Variants in CNTN5 observed in about 807,000 individuals in gnomAD.
CNTN5 encodes the protein contactin 5, also known as contactin-5.
In CNTN5, 77 loss-of-function variants were observed where a neutral mutation model predicts 129.1. The ratio of observed to expected loss-of-function variants is 0.60; its 90% CI spans 0.50 to 0.72. The LOEUF is 0.72. CNTN5 is among the 30% of genes least tolerant of loss of function. The probability of loss-of-function intolerance (pLI) is 0.00; values close to 1 mark genes in which losing one functional copy is unlikely to be tolerated. For missense variants in CNTN5, 1,478 were observed against 1,328.8 expected (o/e 1.11, Z -1.75); for synonymous variants, 509 against 465.6 (o/e 1.09, Z -1.20).
At chr11:99,711,530 G>A (rs1488798478) in intron 3 of CNTN5, among the ~76,000 whole-genome samples, 4 of 151,728 alleles carry the variant, frequency 2.6e-5, no homozygotes, top group Non-Finnish European at 1.5e-5. Context: ...TATGCATAAT[G>A]TGCAGGTTCG....
chr11:99,508,655 A>T (rs1417805539), intron 2 of CNTN5, among the ~76,000 whole-genome samples: 1 of 152,090 alleles, frequency 6.6e-6, no homozygotes, highest in African/African-American at 2.4e-5. Flanking sequence ...ACTCAGGTTC[A>T]GCAACGCATA....
At chr11:99,231,322 CT>C (rs1860983683) in intron 1 of CNTN5, among the ~76,000 whole-genome samples, 1 of 152,134 alleles carries the variant, frequency 6.6e-6, no homozygotes, top group South Asian at 2.1e-4. Flanking sequence ...TGTTTCTTGA[CT>C]TTTTAATAAT....
chr11:99,525,798 G>A (rs1947461876), intron 2 of CNTN5, among the ~76,000 whole-genome samples: 3 of 152,054 alleles, frequency 2.0e-5, no homozygotes, highest in Admixed American at 1.3e-4. Context: ...GACTGACCTG[G>A]TATTTTTTGT....
At chr11:99,238,552 A>G (rs1457170494) in intron 1 of CNTN5, among the ~76,000 whole-genome samples, 2 of 152,210 alleles carry the variant, frequency 1.3e-5, no homozygotes, top group Non-Finnish European at 1.5e-5. Flanking sequence ...TAAAAATTTC[A>G]TAATAACATC....
At chr11:99,322,703 T>C (rs1005899168) in intron 1 of CNTN5, among the ~76,000 whole-genome samples, 1 of 152,166 alleles carries the variant, frequency 6.6e-6, no homozygotes, top group African/African-American at 2.4e-5. Flanking sequence ...GGACAAATTT[T>C]TGTATCCCAG....
At chr11:99,994,938 C>A (rs1939347920) in intron 8 of CNTN5, among the ~76,000 whole-genome samples, 1 of 152,046 alleles carries the variant, frequency 6.6e-6, no homozygotes, top group Non-Finnish European at 1.5e-5. Flanking sequence ...AGGAACCTGG[C>A]AGGTATAGTA....
At chr11:100,300,106 C>T (rs1347130038) in intron 20 of CNTN5, among the ~76,000 whole-genome samples, 1 of 151,444 alleles carries the variant, frequency 6.6e-6, no homozygotes, top group Non-Finnish European at 1.5e-5. Context: ...CATAGGTAGG[C>T]AGTACCGAGT....
At chr11:100,291,257 G>T (rs1285240260) in intron 18 of CNTN5, among the ~76,000 whole-genome samples, 4 of 151,458 alleles carry the variant, frequency 2.6e-5, no homozygotes, top group African/African-American at 4.9e-5. Context: ...CCCATTACTG[G>T]GTATATACCC....
intron 2 of CNTN5, among the ~76,000 whole-genome samples, chr11:99,382,167 A>C (rs1565536885): frequency 6.6e-6 from 1 of 152,170 alleles, no homozygotes; most frequent in Non-Finnish European, 1.5e-5. Context: ...AATGACCTTA[A>C]AGCCAGGAAA....
intron 20 of CNTN5, 55 bp from the exon 21 acceptor site, chr11:100,308,304 A>G: frequency 6.5e-7 from 1 of 1,533,192 alleles, no homozygotes; most frequent in Non-Finnish European, 8.9e-7. Flanking sequence ...ACTCAGGCGC[A>G]ATACTTTGAT....
At chr11:100,053,786 C>T (rs993707860) in intron 9 of CNTN5, among the ~76,000 whole-genome samples, 1 of 151,648 alleles carries the variant, frequency 6.6e-6, no homozygotes, top group Non-Finnish European at 1.5e-5. Flanking sequence ...TTCATAATAG[C>T]CTAAAACTGA....
rs564716702 is a variant in CNTN5, at chr11:100,313,521, T to C, written c.2730+5053T>C. Reference sequence around the variant, plus strand: ...CTAGGAAATCAAGAGTTCTATTTAATCACATTGAATTTTTGATGCCTATTA... The same window carrying C: ...CTAGGAAATCAAGAGTTCTATTTAACCACATTGAATTTTTGATGCCTATTA... On this transcript the variant is annotated intron_variant, in intron 21 of 24. Coordinates refer to ENST00000524871, the MANE Select transcript of CNTN5 (RefSeq NM_014361.4). Among the ~76,000 whole-genome samples the C allele has an allele frequency of 1.3e-3, 202 of 151,950 alleles. 1 individual carries two copies. The highest frequency in any genetic ancestry group is 4.5e-3 in the African/African-American group (185 of 41,448).
rs531778595 is a variant in CNTN5 at position 100,235,835 on chromosome 11, C to T, written c.2005+11023C>T. Among the ~76,000 whole-genome samples, 236 of 152,244 alleles carry T rather than the reference C, an allele frequency of 1.6e-3. 2 individuals carry two copies. Among genetic ancestry groups the T allele is most frequent in the Admixed American group, 5.0e-3 (77 of 15,300 alleles). On this transcript the variant is annotated intron_variant, in intron 16 of 24. Transcript: ENST00000524871. ...CCCAGTGGGTACCAATTACTTACTG[C>T]CCACTCACTTCACTTTCGTTTTTTG...
intron 1 of CNTN5, among the ~76,000 whole-genome samples, chr11:99,314,692 G>C (rs7937128): frequency 1.3e-5 from 2 of 151,792 alleles, no homozygotes; most frequent in African/African-American, 4.8e-5. Context: ...GTGAGTGAGA[G>C]AATAGGGTAG....
At chr11:100,139,391 GA>G (rs1946621293) in intron 13 of CNTN5, among the ~76,000 whole-genome samples, 1 of 152,154 alleles carries the variant, frequency 6.6e-6, no homozygotes, top group Non-Finnish European at 1.5e-5. Context: ...GTCAAGAGCA[GA>G]AAGTATTTCA....
At chr11:99,435,238 T>G (rs1471333361) in intron 2 of CNTN5, among the ~76,000 whole-genome samples, 1 of 152,168 alleles carries the variant, frequency 6.6e-6, no homozygotes, top group African/African-American at 2.4e-5. Context: ...AGATGAGAAG[T>G]ACATTTTTCA....
At chr11:100,354,348 T>C (rs886973448) in intron 24 of CNTN5, among the ~76,000 whole-genome samples, 1 of 151,618 alleles carries the variant, frequency 6.6e-6, no homozygotes, top group Non-Finnish European at 1.5e-5. Context: ...TTAAAACTAC[T>C]TCAGACCAAT....
At chr11:100,336,844 A>G (rs1952047526) in intron 21 of CNTN5, 1 of 453,474 alleles carries the variant, frequency 2.2e-6, no homozygotes, top group African/African-American at 2.0e-5. Flanking sequence ...TTCCCCAGAG[A>G]ATCACAATCT....
At chr11:99,708,377 C>T (rs1954838275) in intron 3 of CNTN5, among the ~76,000 whole-genome samples, 1 of 151,668 alleles carries the variant, frequency 6.6e-6, no homozygotes, top group African/African-American at 2.4e-5. Context: ...ATGCATTTGA[C>T]GTTTGCATGA....
Sources: gnomAD v4.1 joint callset for allele counts (sites outside exome capture counted in the v4.1 genomes callset) on GRCh38, gnomAD v4.1.1 for gene constraint, MANE v1.5 for transcripts, NCBI Gene and HGNC (gene_info 2026-07-23, HGNC 2026-07-21) for gene names.